The following POLDIP3 variants were observed in gnomAD, a reference collection of about 807,000 sequenced individuals.
POLDIP3 encodes the protein polymerase delta-interacting protein 3.
Under a neutral mutation model 45.1 loss-of-function variants are expected in POLDIP3, and 14 were observed. The ratio of observed to expected loss-of-function variants is 0.31; its 90% confidence interval spans 0.20 to 0.49. POLDIP3 has a LOEUF of 0.49. Ranked by LOEUF, POLDIP3 falls within the 20% of genes least tolerant of loss-of-function variation. The pLI is 0.99. For missense variants in POLDIP3, 511 were observed against 538.8 expected (o/e 0.95, Z 0.51); for synonymous variants, 223 against 205.2 (o/e 1.09, Z -0.74).
chr22:42,595,460 C>T, intron 6 of POLDIP3, 77 bp downstream of exon 6: 1 of 1,341,422 alleles, frequency 7.5e-7, no homozygotes, highest in Non-Finnish European at 1.1e-6. Context: ...AGTCATCAAA[C>T]CTGAGGGTGG....
chr22:42,590,614 A>G (rs1925605930), intron 7 of POLDIP3, among the ~76,000 whole-genome samples: 1 of 152,378 alleles, frequency 6.6e-6, no homozygotes, highest in East Asian at 1.9e-4. Context: ...GCTGTTAACC[A>G]AAAAGTCCTT....
chr22:42,588,855 C>T (rs1253509336), intron 7 of POLDIP3, among the ~76,000 whole-genome samples: 2 of 152,080 alleles, frequency 1.3e-5, no homozygotes, highest in East Asian at 1.9e-4. Context: ...CTCGAACTCC[C>T]AATCAGGTGA....
At chr22:42,592,118 G>A (rs759350642) in intron 6 of POLDIP3, 34 bp from the exon 7 acceptor site, 1 of 1,612,780 alleles carries the variant, frequency 6.2e-7, no homozygotes, top group Non-Finnish European at 8.5e-7. Flanking sequence ...GATTGGGGAA[G>A]GATTTCTCAG....
chr22:42,586,964 T>C (rs560762963), intron 8 of POLDIP3, among the ~76,000 whole-genome samples: 1 of 152,270 alleles, frequency 6.6e-6, no homozygotes, highest in East Asian at 1.9e-4. Flanking sequence ...CAAATCCAGC[T>C]GGGCGTGATG....
At chr22:42,599,514 T>A (rs1467443104) in intron 4 of POLDIP3, among the ~76,000 whole-genome samples, 184 bp downstream of exon 4, 2 of 152,056 alleles carry the variant, frequency 1.3e-5, no homozygotes, top group Non-Finnish European at 2.9e-5. Flanking sequence ...TGAGGCAGGA[T>A]AATAGCTTGA....
chr22:42,601,591 T>C lies in POLDIP3; in HGVS notation c.537+379A>G, dbSNP rs187072852. ...TCCTAGCCAACATGGTGAAACCCCA[T>C]CTCTACTAAAAATACAAAAATTAGC... On this transcript the variant is annotated intron_variant, in intron 3 of 8. Coordinates refer to ENST00000252115, the MANE Select transcript of POLDIP3 (RefSeq NM_032311.5). Among the ~76,000 whole-genome samples the C allele has an allele frequency of 6.6e-5, 10 of 151,442 alleles. No individual in the cohort carries two copies. The East Asian group carries it at 1.9e-3, about 29-fold the overall frequency.
At chr22:42,598,409 C>G (rs1206924740) in intron 4 of POLDIP3, among the ~76,000 whole-genome samples, 2 of 149,006 alleles carry the variant, frequency 1.3e-5, no homozygotes, top group African/African-American at 4.9e-5. Flanking sequence ...CACCACCACG[C>G]CTGGCTAATT....
At chr22:42,609,577 C>T (rs1926991940) in intron 1 of POLDIP3, among the ~76,000 whole-genome samples, 1 of 151,976 alleles carries the variant, frequency 6.6e-6, no homozygotes, top group African/African-American at 2.4e-5. Flanking sequence ...AGATTCAGGC[C>T]CATGAAGTGG....
chr22:42,608,619 C>T (rs962519436), intron 1 of POLDIP3, among the ~76,000 whole-genome samples: 2 of 152,072 alleles, frequency 1.3e-5, no homozygotes, highest in African/African-American at 2.4e-5. Context: ...CCCAGGGATA[C>T]GGAGCACTCT....
chr22:42,585,293 G>A lies in POLDIP3; in HGVS notation c.*498C>T. 2.0e-6 allele frequency: 1 copy of A among 512,460 alleles called. No homozygotes were observed. Among genetic ancestry groups the A allele is most frequent in the Non-Finnish European group, 3.9e-6 (1 of 257,120 alleles). The allele number at this position is 512,460 out of a possible 1,614,324, so 31.7% of individuals were successfully genotyped here. A position where few individuals can be genotyped will look rare whatever the true frequency, so the allele number is the denominator to read the frequency against. ...AGGCACCTCCACTGACAAGACAGAGGAGCGGCACAGCTCTCAGGCCGACCT... is the reference window on the plus strand; with the variant it reads ...AGGCACCTCCACTGACAAGACAGAGAAGCGGCACAGCTCTCAGGCCGACCT... On this transcript the variant is annotated 3_prime_UTR_variant, in exon 9 of 9. Transcript: ENST00000252115.
In POLDIP3 at chr22:42,592,051, C is replaced by T; in HGVS notation, c.925G>A (p.Ala309Thr). The T allele has an allele frequency of 6.2e-7, 1 of 1,614,266 alleles. No homozygotes were observed. Among genetic ancestry groups the T allele is most frequent in the South Asian group, 1.1e-5 (1 of 91,086 alleles). The change falls in exon 7 of 9, where the codon GCT (alanine) becomes ACT (threonine). Residue 309 changes from alanine (A) to threonine (T), a missense_variant. Transcript: ENST00000252115. ...GCTACCCCAGGATGGACCAGTCGAG[C>T]TCGCTTGAGGGCCCCACACACACAG... is the stretch of plus-strand genomic sequence containing the variant. The part of the protein sequence containing the change: ...LFCVCGALKR[A>T]RLVHPGVAEV...
At position 42,613,446 on chromosome 22, in the gene POLDIP3, C is replaced by G. The variant is rs147621505; in HGVS notation, c.59+1353G>C. 4.3e-3 allele frequency among the ~76,000 whole-genome samples: 651 copies of G among 152,280 alleles called. 4 individuals are homozygous for G. Among genetic ancestry groups the G allele is most frequent in the African/African-American group, 0.015 (634 of 41,558 alleles). On this transcript the variant is annotated intron_variant, in intron 1 of 8. Transcript: ENST00000252115. ...ATCAAGAGAAAAACCTAACCACAGGCATACGGGTGGTATTAATAAACATCT... is the reference window on the plus strand; with the variant it reads ...ATCAAGAGAAAAACCTAACCACAGGGATACGGGTGGTATTAATAAACATCT...
At chr22:42,597,674 G>C (rs1235748785) in intron 4 of POLDIP3, 1 of 468,992 alleles carries the variant, frequency 2.1e-6, no homozygotes. Flanking sequence ...GAGACTCACT[G>C]AGCAAGCTGA....
At chr22:42,598,860 T>C (rs988546906) in intron 4 of POLDIP3, among the ~76,000 whole-genome samples, 2 of 152,216 alleles carry the variant, frequency 1.3e-5, no homozygotes, top group Admixed American at 6.5e-5. Flanking sequence ...CTGAGCAGCA[T>C]GGACCTCCCT....
intron 3 of POLDIP3, among the ~76,000 whole-genome samples, chr22:42,600,601 G>A (rs1424268534): frequency 6.6e-6 from 1 of 151,266 alleles, no homozygotes; most frequent in Non-Finnish European, 1.5e-5. Context: ...ACTCCAGTCT[G>A]AGTGACAGAG....
intron 2 of POLDIP3, 23 bp downstream of exon 2, chr22:42,602,747 T>C (rs548428054): frequency 6.4e-7 from 1 of 1,566,736 alleles, no homozygotes; most frequent in Non-Finnish European, 8.6e-7. Context: ...TTCTGGGAAT[T>C]CATGACAAAA....
intron 1 of POLDIP3, among the ~76,000 whole-genome samples, chr22:42,608,051 T>C (rs1926875825): frequency 2.6e-5 from 4 of 152,206 alleles, no homozygotes; most frequent in Admixed American, 2.0e-4. Flanking sequence ...CCACCCCGTC[T>C]GGGAGGTGTA....
intron 2 of POLDIP3, 148 bp downstream of exon 2, chr22:42,602,622 G>C (rs935961380): frequency 1.2e-6 from 1 of 846,024 alleles, no homozygotes; most frequent in South Asian, 1.8e-5. Context: ...TGGCTATAAC[G>C]TACTTAAAGC....
Position 42,585,694 on chromosome 22 carries a change from G to C in POLDIP3, c.*97C>G. The stretch of plus-strand genomic sequence containing the variant: ...CCCTGGCAACCCTTCCCACAATCAG[G>C]GGTCTCCAGTCCGATGGCCCATTGG... On this transcript the variant is annotated 3_prime_UTR_variant, in exon 9 of 9. Transcript: ENST00000252115. The C allele has an allele frequency of 7.2e-7, 1 of 1,394,358 alleles. No homozygotes were observed. The highest frequency in any genetic ancestry group is 9.8e-7 in the Non-Finnish European group (1 of 1,022,136). 86.4% of individuals were successfully genotyped at this position (1,394,358 alleles called of 1,614,324 possible).
Sources: allele counts gnomAD v4.1 joint callset (sites outside exome capture counted in the v4.1 genomes callset), GRCh38; gene constraint gnomAD v4.1.1; transcripts MANE v1.5; gene names NCBI Gene and HGNC (gene_info 2026-07-23, HGNC 2026-07-21).